EGF: variants seen among roughly 807,000 people sequenced by gnomAD.
The protein encoded by EGF is pro-epidermal growth factor.
In EGF, 95 loss-of-function variants were observed where a neutral mutation model predicts 143.8. That is an observed-to-expected ratio of 0.66 (90% confidence interval 0.56 to 0.78). The LOEUF (loss-of-function observed/expected upper bound fraction) is 0.78. EGF is among the 30% of genes least tolerant of loss of function. The probability of loss-of-function intolerance (pLI) is 0.00; values close to 1 mark genes in which losing one functional copy is unlikely to be tolerated. For missense variants in EGF, 1,320 were observed against 1,470.9 expected (o/e 0.90, Z 1.68); for synonymous variants, 510 against 510.5 (o/e 1.00, Z 0.01).
chr4:109,968,706 A>ATCTATCTATCTATCTATCTG, intron 10 of EGF: 1 of 437,830 alleles, frequency 2.3e-6, no homozygotes, highest in Non-Finnish European at 4.2e-6. Context: ...CTATCTATCT[A>ATCTATCTATCTATCTATCTG]TCTACCTACC....
chr4:109,970,133 G>C (rs998078902), intron 11 of EGF, among the ~76,000 whole-genome samples: 1 of 152,136 alleles, frequency 6.6e-6, no homozygotes, highest in African/African-American at 2.4e-5. Context: ...AGAGCTGCAG[G>C]AAGGGCTACT....
chr4:110,004,440 A>G, intron 21 of EGF, 65 bp from the exon 22 acceptor site: 1 of 1,396,302 alleles, frequency 7.2e-7, no homozygotes, highest in Non-Finnish European at 1.0e-6. Context: ...GTCCCTGATC[A>G]TCACTGAGTG....
intron 1 of EGF, among the ~76,000 whole-genome samples, chr4:109,917,760 A>G (rs1181671269): frequency 6.6e-6 from 1 of 152,158 alleles, no homozygotes; most frequent in African/African-American, 2.4e-5. Flanking sequence ...AGTTGGGATT[A>G]CAGGCATATG....
chr4:110,001,184 G>A (rs1248189144), intron 21 of EGF, among the ~76,000 whole-genome samples: 1 of 152,178 alleles, frequency 6.6e-6, no homozygotes, highest in Admixed American at 6.5e-5. Context: ...TTACTATAAA[G>A]TAGGAACAAG....
At position 109,994,744 on chromosome 4, in the gene EGF, C is replaced by A; in HGVS notation, c.2869C>A (p.Pro957Thr). The change falls in exon 20 of 24, where the codon CCC becomes ACC. Residue 957 changes from proline (P) to threonine (T), a missense_variant. By Grantham distance (38) the Pro-to-Thr change is conservative. This residue lies in a region of EGF where 1,186 missense variants were observed against 1,313.7 expected (regional missense o/e 0.90). Transcript: ENST00000265171. ...TTGGGTTCTTTTAGACTCTACTCCA[C>A]CCCCTCACCTCAGGGAAGATGACCA... ...PGLICPDSTPPPHLREDDHHY... is the reference protein window; with the variant it reads ...PGLICPDSTPTPHLREDDHHY... 3 of 1,614,040 alleles carry A rather than the reference C, an allele frequency of 1.9e-6. No individual in the cohort carries two copies. The highest frequency in any genetic ancestry group is 2.5e-6 in the Non-Finnish European group (3 of 1,179,964).
At chr4:109,968,128 G>A (rs1422906570) in intron 10 of EGF, among the ~76,000 whole-genome samples, 1 of 152,128 alleles carries the variant, frequency 6.6e-6, no homozygotes, top group Non-Finnish European at 1.5e-5. Context: ...ATGTCACTAG[G>A]TGATAGAAAT....
intron 6 of EGF, among the ~76,000 whole-genome samples, 175 bp downstream of exon 6, chr4:109,959,612 T>G (rs1745371304): frequency 6.6e-6 from 1 of 152,170 alleles, no homozygotes; most frequent in Non-Finnish European, 1.5e-5. Context: ...TTTTATTTAT[T>G]TTTTCTTGTT....
chr4:109,949,046 A>G (rs1743345196), intron 5 of EGF, among the ~76,000 whole-genome samples: 1 of 152,204 alleles, frequency 6.6e-6, no homozygotes, highest in South Asian at 2.1e-4. Context: ...GCTATCATTT[A>G]TCAAAGCATG....
intron 5 of EGF, among the ~76,000 whole-genome samples, chr4:109,950,950 G>T (rs573364856): frequency 6.6e-6 from 1 of 151,976 alleles, no homozygotes; most frequent in Non-Finnish European, 1.5e-5. Flanking sequence ...GTCCTTAGAG[G>T]ACAGAGAATA....
chr4:109,968,672 A>AGAT (rs1746998853), intron 10 of EGF: 1 of 179,838 alleles, frequency 5.6e-6, no homozygotes, highest in African/African-American at 5.8e-5. Flanking sequence ...ATATCTATAT[A>AGAT]CATCTATCTA....
chr4:109,954,783 T>C (rs1744533329), intron 5 of EGF, among the ~76,000 whole-genome samples: 1 of 152,104 alleles, frequency 6.6e-6, no homozygotes, highest in Non-Finnish European at 1.5e-5. Context: ...AAGAGGGGGA[T>C]TACAGTCAAA....
intron 1 of EGF, among the ~76,000 whole-genome samples, chr4:109,920,822 C>G (rs978636108): frequency 6.6e-6 from 1 of 151,636 alleles, no homozygotes; most frequent in African/African-American, 2.4e-5. Context: ...CTCCAGAATG[C>G]TAATATTGTT....
intron 1 of EGF, among the ~76,000 whole-genome samples, chr4:109,923,862 C>T (rs1230411017): frequency 6.6e-6 from 1 of 151,476 alleles, no homozygotes; most frequent in Non-Finnish European, 1.5e-5. Context: ...CCCAAGAGAG[C>T]CACCCACCTT....
At chr4:110,005,839 A>C (rs972076196) in intron 22 of EGF, among the ~76,000 whole-genome samples, 2 of 152,154 alleles carry the variant, frequency 1.3e-5, no homozygotes, top group Non-Finnish European at 2.9e-5. Flanking sequence ...TATTACAGAG[A>C]GGTTATGGAG....
At chr4:109,959,574 G>A (rs541229759) in intron 6 of EGF, 137 bp downstream of exon 6, 10 of 1,317,458 alleles carry the variant, frequency 7.6e-6, no homozygotes, top group South Asian at 4.8e-5. Flanking sequence ...CATTCTCCCC[G>A]TCCCCCACAC....
In EGF at chr4:109,987,785, C is replaced by T. The variant is rs752050535; in HGVS notation, c.2533C>T (p.Arg845Trp). Residue 845 changes from arginine to tryptophan, a missense_variant, in exon 17 of 24, where the codon CGG (arginine) becomes TGG (tryptophan). Physicochemically the swap from Arg to Trp is moderately radical, Grantham distance 101. Around this residue, in one of 5 missense-constraint regions of EGF, gnomAD observed 1,186 missense variants for 1,313.7 expected, o/e 0.90. Transcript: ENST00000265171. Reference sequence around the variant, plus strand: ...TCCTGTGGGATGCAGCATGTATGCTCGGTGTATTTCAGAGGGAGAGGATGC... The same window carrying T: ...TCCTGTGGGATGCAGCATGTATGCTTGGTGTATTTCAGAGGGAGAGGATGC... ...CAPVGCSMYARCISEGEDATC... is the reference protein window; with the variant it reads ...CAPVGCSMYAWCISEGEDATC... 12 of 1,613,700 alleles carry T rather than the reference C, an allele frequency of 7.4e-6. No homozygotes were observed. Among genetic ancestry groups the T allele is most frequent in the Middle Eastern group, 3.3e-4 (2 of 6,080 alleles).
At chr4:109,942,285 C>A (rs1224771787) in intron 2 of EGF, among the ~76,000 whole-genome samples, 1 of 152,196 alleles carries the variant, frequency 6.6e-6, no homozygotes, top group African/African-American at 2.4e-5. Context: ...TGGGTTAAAA[C>A]CTTGTTTATA....
intron 17 of EGF, 98 bp from the exon 18 acceptor site, chr4:109,988,486 A>G: frequency 6.3e-7 from 1 of 1,574,822 alleles, no homozygotes; most frequent in Non-Finnish European, 8.7e-7. Flanking sequence ...AAAGGACTGA[A>G]TAAGAATTGA....
intron 16 of EGF, among the ~76,000 whole-genome samples, chr4:109,986,003 T>C (rs1315851467): frequency 6.6e-6 from 1 of 152,214 alleles, no homozygotes; most frequent in East Asian, 1.9e-4. Flanking sequence ...AAGGGGTTTT[T>C]TTTAAGGTCA....
Sources: allele counts gnomAD v4.1 joint callset (sites outside exome capture counted in the v4.1 genomes callset), GRCh38; gene constraint gnomAD v4.1.1; regional missense constraint gnomAD v4.1.1; transcripts MANE v1.5; gene names NCBI Gene and HGNC (gene_info 2026-07-23, HGNC 2026-07-21).